Variants in NDFIP1 observed in about 807,000 individuals in gnomAD.
The protein encoded by NDFIP1 is NEDD4 family-interacting protein 1.
In NDFIP1, 7 loss-of-function variants were observed where a neutral mutation model predicts 28.8. The observed-to-expected ratio is 0.24, with a 90% confidence interval of 0.14 to 0.46. The LOEUF (loss-of-function observed/expected upper bound fraction) is 0.46, where lower values mean the gene tolerates loss of function less well. Among genes scored for constraint, NDFIP1 ranks in the 20% least tolerant of loss-of-function variants. The pLI, the probability that NDFIP1 is intolerant of heterozygous loss-of-function variation, is 0.99. For synonymous variants in NDFIP1, 92 were observed against 101.0 expected, an observed-to-expected ratio of 0.91 and a Z score of 0.53; for missense variants, 194 against 269.1, an observed-to-expected ratio of 0.72 and a Z score of 1.95.
chr5:142,144,082 T>G (rs1300794728), intron 6 of NDFIP1: 1 of 152,098 alleles, frequency 6.6e-6, no homozygotes, highest in Admixed American at 6.6e-5. Context: ...GATAAGGGGA[T>G]CCTGACATCT....
At position 142,140,465 on chromosome 5, in the gene NDFIP1, A is replaced by G. The variant is rs932827378; in HGVS notation, c.496-98A>G. On this transcript the variant is annotated intron_variant, in intron 5 of 7. Transcript: ENST00000253814. The stretch of plus-strand genomic sequence containing the variant: ...CTCCGTCTCAAAAAAAAAAAAAAAA[A>G]GAATAAGTCTTGCATTTTGTGATTT... 1.1e-4 allele frequency: 107 copies of G among 965,304 alleles called. No homozygotes were observed. The African/African-American group carries it at 1.7e-3, about 15-fold the overall frequency. 59.8% of individuals were successfully genotyped at this position (965,304 alleles called of 1,614,324 possible).
In NDFIP1 at chr5:142,108,880, G is replaced by C; in HGVS notation, c.-95G>C. ...GGCCATCGAGACCCACCCAAGGCGC[G>C]TCCCCCTCGGCCTCCCAGCGCTCCC... is the stretch of plus-strand genomic sequence containing the variant. On this transcript the variant is annotated 5_prime_UTR_variant, in exon 1 of 8. Transcript: ENST00000253814. 1 of 1,131,718 alleles carries C rather than the reference G, an allele frequency of 8.8e-7. No homozygotes were observed. The highest frequency in any genetic ancestry group is 2.2e-5 in the South Asian group (1 of 44,470). The allele number at this position is 1,131,718 out of a possible 1,614,324, so 70.1% of individuals were successfully genotyped here. A position where few individuals can be genotyped will look rare whatever the true frequency, so the allele number is the denominator to read the frequency against.
At chr5:142,125,134 A>G (rs771222907) in intron 1 of NDFIP1, among the ~76,000 whole-genome samples, 41 of 152,114 alleles carry the variant, frequency 2.7e-4, no homozygotes, top group Admixed American at 6.5e-5. Flanking sequence ...TAATGTTTTT[A>G]AGGTTCATCC....
chr5:142,113,846 C>A (rs567498402), intron 1 of NDFIP1, among the ~76,000 whole-genome samples: 2 of 152,308 alleles, frequency 1.3e-5, no homozygotes, highest in East Asian at 3.9e-4. Flanking sequence ...AGCATAATGT[C>A]TTCAGAGTTC....
At chr5:142,135,890 A>C (rs1757270416) in intron 4 of NDFIP1, 73 bp downstream of exon 4, 1 of 1,058,296 alleles carries the variant, frequency 9.4e-7, no homozygotes, top group Non-Finnish European at 1.4e-6. Context: ...ATCTGACTGA[A>C]TTAAAATAAC....
chr5:142,110,409 C>A (rs78555339), intron 1 of NDFIP1, among the ~76,000 whole-genome samples: 2,268 of 152,274 alleles, frequency 0.015, 50 homozygotes, highest in African/African-American at 0.049. Flanking sequence ...ATACTGTCAT[C>A]TGATTTCATC....
chr5:142,110,478 C>T (rs1014825892), intron 1 of NDFIP1, among the ~76,000 whole-genome samples: 2 of 152,142 alleles, frequency 1.3e-5, no homozygotes, highest in African/African-American at 4.8e-5. Context: ...TTTCTTTGTA[C>T]TGCCATCTTC....
intron 1 of NDFIP1, among the ~76,000 whole-genome samples, chr5:142,128,268 C>T (rs987532878): frequency 8.5e-5 from 13 of 152,128 alleles, no homozygotes; most frequent in East Asian, 7.7e-4. Context: ...GACAATGCCG[C>T]GTATTCTTTC....
chr5:142,150,721 C>CAAAAA (rs11301868), intron 7 of NDFIP1, among the ~76,000 whole-genome samples: 1 of 133,810 alleles, frequency 7.5e-6, no homozygotes, highest in Non-Finnish European at 1.6e-5. Flanking sequence ...CTCTTGTCTC[C>CAAAAA]AAAAAAAAAA....
At chr5:142,127,349 A>T (rs797012974) in intron 1 of NDFIP1, among the ~76,000 whole-genome samples, 5 of 152,128 alleles carry the variant, frequency 3.3e-5, no homozygotes, top group African/African-American at 1.2e-4. Context: ...ATGTTTTCTT[A>T]AAATTGAAGG....
intron 1 of NDFIP1, among the ~76,000 whole-genome samples, chr5:142,111,250 TA>T (rs902498325): frequency 6.6e-6 from 1 of 151,096 alleles, no homozygotes; most frequent in African/African-American, 2.4e-5. Flanking sequence ...GCATGCTAGA[TA>T]AATAATGAAA....
intron 3 of NDFIP1, 45 bp from the exon 4 acceptor site, chr5:142,135,685 A>ATGTC: frequency 6.5e-7 from 1 of 1,541,896 alleles, no homozygotes; most frequent in Non-Finnish European, 8.9e-7. Flanking sequence ...ATTTTTCTTT[A>ATGTC]TGTCTTCCCT....
chr5:142,147,736 A>G (rs1757405752), intron 7 of NDFIP1, among the ~76,000 whole-genome samples: 1 of 152,228 alleles, frequency 6.6e-6, no homozygotes, highest in African/African-American at 2.4e-5. Flanking sequence ...TGATTCTTCT[A>G]GGGAGATAGG....
chr5:142,109,651 G>A (rs1756991327), intron 1 of NDFIP1, among the ~76,000 whole-genome samples: 1 of 152,220 alleles, frequency 6.6e-6, no homozygotes, highest in South Asian at 2.1e-4. Flanking sequence ...CTACGATGAA[G>A]TCTGCAGGGC....
intron 6 of NDFIP1, among the ~76,000 whole-genome samples, chr5:142,140,900 G>T (rs979031460): frequency 8.5e-4 from 130 of 152,236 alleles, no homozygotes; most frequent in African/African-American, 3.1e-3. Flanking sequence ...GTATGCTGAT[G>T]ACTCTGTAGT....
intron 1 of NDFIP1, among the ~76,000 whole-genome samples, chr5:142,118,559 G>A (rs888501819): frequency 5.3e-5 from 8 of 152,156 alleles, no homozygotes; most frequent in Non-Finnish European, 1.0e-4. Context: ...ACCTGGCTGA[G>A]GTAGTGTTTC....
At chr5:142,137,880 A>G in intron 5 of NDFIP1, 22 bp downstream of exon 5, 4 of 1,612,152 alleles carry the variant, frequency 2.5e-6, no homozygotes, top group Non-Finnish European at 3.4e-6. Flanking sequence ...AACAGAAAAG[A>G]TGGGCTCTAC....
intron 1 of NDFIP1, among the ~76,000 whole-genome samples, chr5:142,111,476 C>T (rs1352307830): frequency 6.6e-6 from 1 of 151,908 alleles, no homozygotes; most frequent in Non-Finnish European, 1.5e-5. Context: ...AATTACTAGC[C>T]ATGGAAATGC....
At chr5:142,135,221 G>A (rs1030026612) in intron 3 of NDFIP1, among the ~76,000 whole-genome samples, 7 of 152,028 alleles carry the variant, frequency 4.6e-5, no homozygotes, top group Non-Finnish European at 1.0e-4. Context: ...CTCGTGATCT[G>A]CCTGCCTTGG....
Sources: gnomAD v4.1 joint callset for allele counts (sites outside exome capture counted in the v4.1 genomes callset) on GRCh38, gnomAD v4.1.1 for gene constraint, MANE v1.5 for transcripts, NCBI Gene and HGNC (gene_info 2026-07-23, HGNC 2026-07-21) for gene names.